The following SPEF2 variants were observed in gnomAD, a reference collection of about 807,000 sequenced individuals.
SPEF2 encodes the protein sperm flagella and cilia-associated protein 2.
A neutral mutation model predicts 224.6 loss-of-function variants in SPEF2; 187 were observed. The ratio of observed to expected loss-of-function variants is 0.83; its 90% CI spans 0.74 to 0.94. The LOEUF is 0.94. Ranked by LOEUF, SPEF2 falls within the 40% of genes least tolerant of loss-of-function variation. SPEF2 has a pLI of 0.00. For synonymous variants in SPEF2, 715 were observed against 707.3 expected (o/e 1.01, Z -0.17); for missense variants, 2,170 against 2,135.6 (o/e 1.02, Z -0.32).
intron 10 of SPEF2, among the ~76,000 whole-genome samples, chr5:35,672,036 C>T (rs913392224): frequency 6.6e-6 from 1 of 151,534 alleles, no homozygotes; most frequent in Non-Finnish European, 1.5e-5. Context: ...AATGTTCCTA[C>T]ATACAAGTAA....
At chr5:35,650,416 CCCTAGCACACA>C (rs1434517318) in intron 6 of SPEF2, among the ~76,000 whole-genome samples, 2 of 152,154 alleles carry the variant, frequency 1.3e-5, no homozygotes, top group Non-Finnish European at 1.5e-5. Flanking sequence ...ACCACTTGAA[CCCTAGCACACA>C]CCTACCCTGA....
chr5:35,619,287 T>C (rs1743131159), intron 1 of SPEF2, among the ~76,000 whole-genome samples: 1 of 152,234 alleles, frequency 6.6e-6, no homozygotes, highest in Non-Finnish European at 1.5e-5. Context: ...TGTCTCACCA[T>C]AGGAGCCAAA....
intron 30 of SPEF2, chr5:35,789,884 G>A: frequency 1.4e-6 from 1 of 702,998 alleles, no homozygotes; most frequent in Non-Finnish European, 2.6e-6. Flanking sequence ...TAGTGAAGTG[G>A]ATACTGAATG....
Position 35,727,732 on chromosome 5 carries a change from A to C in SPEF2, c.2972A>C (p.Asp991Ala), listed in dbSNP as rs1744908211. The C allele has an allele frequency of 6.2e-7, 1 of 1,613,814 alleles. No homozygotes were observed. The highest frequency in any genetic ancestry group is 1.3e-5 in the African/African-American group (1 of 75,006). Residue 991 changes from aspartate (D) to alanine (A), a missense_variant, in exon 21 of 37, where the codon GAC becomes GCC. Coordinates refer to ENST00000356031, the MANE Select transcript of SPEF2 (RefSeq NM_024867.4). Reference sequence around the variant, plus strand: ...GTACCAGTAAAGAAATCACCTGCTGACTCTACAGATACATCACCTGTTGCA... The same window carrying C: ...GTACCAGTAAAGAAATCACCTGCTGCCTCTACAGATACATCACCTGTTGCA... Reference protein sequence around the residue: ...GKVPVKKSPADSTDTSPVAIV... With the variant: ...GKVPVKKSPAASTDTSPVAIV...
chr5:35,795,858 T>C, intron 33 of SPEF2, 63 bp downstream of exon 33: 2 of 1,422,430 alleles, frequency 1.4e-6, no homozygotes, highest in Non-Finnish European at 9.8e-7. Flanking sequence ...TTGTGTTTTC[T>C]TCCACTTATG....
chr5:35,626,620 A>G (rs552335785), intron 1 of SPEF2, among the ~76,000 whole-genome samples: 3 of 152,324 alleles, frequency 2.0e-5, no homozygotes, highest in Admixed American at 6.5e-5. Context: ...TTATGTAACC[A>G]TAATTAATAG....
chr5:35,630,450 A>C (rs1744922556), intron 2 of SPEF2, among the ~76,000 whole-genome samples: 1 of 152,150 alleles, frequency 6.6e-6, no homozygotes, highest in Non-Finnish European at 1.5e-5. Flanking sequence ...TAATCCCAGC[A>C]CTTTGGGAGG....
At chr5:35,802,427 G>T (rs376051087) in intron 34 of SPEF2, among the ~76,000 whole-genome samples, 1 of 152,118 alleles carries the variant, frequency 6.6e-6, no homozygotes, top group East Asian at 1.9e-4. Context: ...CGATTCGGGG[G>T]TATGGCAGTG....
At chr5:35,717,547 A>G (rs1742804438) in intron 20 of SPEF2, among the ~76,000 whole-genome samples, 1 of 152,210 alleles carries the variant, frequency 6.6e-6, no homozygotes, top group Non-Finnish European at 1.5e-5. Context: ...TCCCATGGCC[A>G]TGAAAATTTA....
chr5:35,699,569 C>T (rs184389250), intron 15 of SPEF2: 35 of 152,246 alleles, frequency 2.3e-4, no homozygotes, highest in African/African-American at 7.9e-4. Flanking sequence ...GATCAGGATA[C>T]TATGACTCTA....
Position 35,771,697 on chromosome 5 carries a change from C to G in SPEF2, c.3890C>G (p.Ala1297Gly). The G allele has an allele frequency of 6.2e-7, 1 of 1,602,974 alleles. No individual in the cohort carries two copies. Among genetic ancestry groups the G allele is most frequent in the Non-Finnish European group, 8.5e-7 (1 of 1,177,170 alleles). The change falls in exon 27 of 37, where the codon GCA becomes GGA. Residue 1297 changes from alanine (A) to glycine (G), a missense_variant. Ala to Gly is a moderately conservative substitution (Grantham distance 60). Transcript: ENST00000356031. ...DPKEKSPQMG[A>G]NKKVKKEPPK... is the part of the protein sequence containing the mutation. ...AAAGAAAAATCTCCTCAGATGGGTG[C>G]AAATAAAAAAGTCAAAAAGGAGCCA...
At chr5:35,721,945 A>G (rs1490553685) in intron 20 of SPEF2, among the ~76,000 whole-genome samples, 1 of 152,220 alleles carries the variant, frequency 6.6e-6, no homozygotes, top group African/African-American at 2.4e-5. Flanking sequence ...AGCACACAAG[A>G]TTGGCCACAG....
intron 24 of SPEF2, among the ~76,000 whole-genome samples, chr5:35,758,054 C>G (rs913875864): frequency 6.6e-6 from 1 of 152,092 alleles, no homozygotes; most frequent in African/African-American, 2.4e-5. Flanking sequence ...CAACAAAAAA[C>G]CAGACATTTA....
chr5:35,650,171 A>T (rs1747981673), intron 6 of SPEF2, among the ~76,000 whole-genome samples: 1 of 152,258 alleles, frequency 6.6e-6, no homozygotes, highest in African/African-American at 2.4e-5. Context: ...TCCTGACGGA[A>T]GGGAGAGACA....
At chr5:35,711,296 TATTTTGTTAAA>T (rs1173807331) in intron 19 of SPEF2, among the ~76,000 whole-genome samples, 1 of 152,070 alleles carries the variant, frequency 6.6e-6, no homozygotes, top group African/African-American at 2.4e-5. Context: ...AAAATTTTGT[TATTTTGTTAAA>T]ATTTTGTTAA....
At chr5:35,754,438 C>A (rs749478844) in intron 24 of SPEF2, among the ~76,000 whole-genome samples, 19 of 152,086 alleles carry the variant, frequency 1.2e-4, no homozygotes, top group Non-Finnish European at 1.9e-4. Context: ...ATTGACATTA[C>A]CAGAAGGAAA....
intron 36 of SPEF2, 116 bp from the exon 37 acceptor site, chr5:35,814,348 T>G: frequency 4.0e-6 from 2 of 494,466 alleles, no homozygotes; most frequent in Non-Finnish European, 6.7e-6. Flanking sequence ...AAAAAAGAAA[T>G]AAAAACTGTT....
intron 2 of SPEF2, among the ~76,000 whole-genome samples, chr5:35,631,851 G>T (rs141694995): frequency 6.7e-4 from 102 of 152,330 alleles, no homozygotes; most frequent in South Asian, 5.0e-3. Flanking sequence ...CCACAAGAAT[G>T]AAGTAATATG....
At chr5:35,687,941 A>G (rs781672057) in intron 10 of SPEF2, among the ~76,000 whole-genome samples, 2 of 151,904 alleles carry the variant, frequency 1.3e-5, no homozygotes, top group Non-Finnish European at 2.9e-5. Flanking sequence ...TTTTGCAAGC[A>G]AAAAAATTTG....
Sources: allele counts gnomAD v4.1 joint callset (sites outside exome capture counted in the v4.1 genomes callset), GRCh38; gene constraint gnomAD v4.1.1; transcripts MANE v1.5; gene names NCBI Gene and HGNC (gene_info 2026-07-23, HGNC 2026-07-21).